RAP1GDS1: variants seen among roughly 807,000 people sequenced by gnomAD.
RAP1GDS1 encodes RAP1, GTP-GDP dissociation stimulator 1.
Under a neutral mutation model 71.1 loss-of-function variants are expected in RAP1GDS1, and 35 were observed. The ratio of observed to expected loss-of-function variants is 0.49; its 90% CI spans 0.38 to 0.65. RAP1GDS1 has a LOEUF of 0.65. Among genes scored for constraint, RAP1GDS1 ranks in the 30% least tolerant of loss-of-function variants. The pLI, the probability that RAP1GDS1 is intolerant of heterozygous loss-of-function variation, is 0.00. For synonymous variants in RAP1GDS1, 229 were observed against 243.1 expected (o/e 0.94, Z 0.54); for missense variants, 663 against 706.1 (o/e 0.94, Z 0.69).
At chr4:98,369,249 G>T (rs188266918) in intron 4 of RAP1GDS1, among the ~76,000 whole-genome samples, 93 of 152,260 alleles carry the variant, frequency 6.1e-4, no homozygotes, top group African/African-American at 2.2e-3. Flanking sequence ...TTTGGGTGGG[G>T]ACACAGCCAG....
intron 14 of RAP1GDS1, among the ~76,000 whole-genome samples, chr4:98,440,927 A>G (rs1335825918): frequency 1.3e-5 from 2 of 152,204 alleles, no homozygotes; most frequent in Non-Finnish European, 2.9e-5. Context: ...TCCCGACCTC[A>G]GGTGATCCAC....
chr4:98,329,066 A>G (rs903460202), intron 2 of RAP1GDS1, among the ~76,000 whole-genome samples: 3 of 152,216 alleles, frequency 2.0e-5, no homozygotes, highest in Non-Finnish European at 4.4e-5. Flanking sequence ...CTCAAATATG[A>G]TATTTCAGTC....
chr4:98,341,805 T>G (rs2110394113), intron 2 of RAP1GDS1, among the ~76,000 whole-genome samples: 1 of 152,294 alleles, frequency 6.6e-6, no homozygotes, highest in East Asian at 1.9e-4. Context: ...GTGTTATCAT[T>G]CCTTAACTCC....
intron 5 of RAP1GDS1, among the ~76,000 whole-genome samples, chr4:98,382,684 A>C (rs1017785400): frequency 6.6e-6 from 1 of 151,602 alleles, no homozygotes; most frequent in African/African-American, 2.4e-5. Flanking sequence ...TTCAAATATA[A>C]CACTGTTTTA....
intron 3 of RAP1GDS1, among the ~76,000 whole-genome samples, chr4:98,346,307 G>A (rs1251010804): frequency 6.6e-6 from 1 of 152,048 alleles, no homozygotes; most frequent in Non-Finnish European, 1.5e-5. Flanking sequence ...AAGAGGACCT[G>A]GTGAGAGCAT....
At chr4:98,399,944 C>T (rs1745127271) in intron 6 of RAP1GDS1, among the ~76,000 whole-genome samples, 1 of 152,076 alleles carries the variant, frequency 6.6e-6, no homozygotes, top group African/African-American at 2.4e-5. Flanking sequence ...CACTTGATGC[C>T]AGGAGTTTGA....
At chr4:98,272,916 G>A (rs998566127) in intron 1 of RAP1GDS1, among the ~76,000 whole-genome samples, 7 of 152,152 alleles carry the variant, frequency 4.6e-5, no homozygotes, top group Non-Finnish European at 7.4e-5. Context: ...TCTGATTTTC[G>A]CTGAGCTCAT....
intron 6 of RAP1GDS1, among the ~76,000 whole-genome samples, chr4:98,397,571 C>T (rs1251964255): frequency 1.3e-5 from 2 of 152,066 alleles, no homozygotes; most frequent in Admixed American, 6.6e-5. Flanking sequence ...ATTTTGGGAC[C>T]TGGGAAGAAA....
chr4:98,264,689 C>G (rs1203785051), intron 1 of RAP1GDS1, among the ~76,000 whole-genome samples: 1 of 151,906 alleles, frequency 6.6e-6, no homozygotes, highest in Non-Finnish European at 1.5e-5. Context: ...TATAAAAGAC[C>G]TTTACATATA....
At chr4:98,387,727 C>T (rs1742979114) in intron 5 of RAP1GDS1, among the ~76,000 whole-genome samples, 1 of 152,138 alleles carries the variant, frequency 6.6e-6, no homozygotes, top group African/African-American at 2.4e-5. Context: ...ACATTTATGA[C>T]ATTGTGCTGT....
At chr4:98,308,297 CTATATATATATATATATATA>C (rs779815305) in intron 2 of RAP1GDS1, among the ~76,000 whole-genome samples, 4 of 73,200 alleles carry the variant, frequency 5.5e-5, no homozygotes, top group East Asian at 5.8e-4. Flanking sequence ...CACACACACA[CTATATATATATATATATATA>C]TATATATATA....
chr4:98,361,035 G>A (rs1476132342), intron 4 of RAP1GDS1, among the ~76,000 whole-genome samples: 1 of 148,952 alleles, frequency 6.7e-6, no homozygotes, highest in Non-Finnish European at 1.5e-5. Context: ...TAAGATCACA[G>A]CACTGTACTC....
At chr4:98,394,645 A>G (rs1173919942) in intron 6 of RAP1GDS1, among the ~76,000 whole-genome samples, 1 of 152,142 alleles carries the variant, frequency 6.6e-6, no homozygotes, top group Non-Finnish European at 1.5e-5. Context: ...CATACAGTCA[A>G]GAGCTTCTGT....
chr4:98,304,055 A>G (rs917327515), intron 2 of RAP1GDS1, among the ~76,000 whole-genome samples: 2 of 152,196 alleles, frequency 1.3e-5, no homozygotes, highest in Admixed American at 6.6e-5. Flanking sequence ...ATGGCTGCAT[A>G]GTATTCCATG....
At chr4:98,308,251 T>G (rs976310108) in intron 2 of RAP1GDS1, among the ~76,000 whole-genome samples, 1 of 144,552 alleles carries the variant, frequency 6.9e-6, no homozygotes, top group Non-Finnish European at 1.5e-5. Flanking sequence ...TGTATATACA[T>G]GTATATATAC....
At position 98,349,754 on chromosome 4, in the gene RAP1GDS1, T is replaced by C. The variant is rs146789391; in HGVS notation, c.236-2722T>C. Among the ~76,000 whole-genome samples, 229 of 152,280 alleles carry C rather than the reference T, an allele frequency of 1.5e-3. 6 individuals are homozygous for C. In the East Asian group the frequency reaches 0.04, roughly 26 times the overall value. ...ATTGTGAATGGGAGTTCACTCATGA[T>C]TTGGCTCTCTGTTTGTCTGTTATTG... On this transcript the variant is annotated intron_variant, in intron 3 of 14. Coordinates refer to ENST00000408927, the MANE Select transcript of RAP1GDS1 (RefSeq NM_001100427.2).
chr4:98,366,588 T>A (rs567710931), intron 4 of RAP1GDS1, among the ~76,000 whole-genome samples: 15 of 152,278 alleles, frequency 9.9e-5, no homozygotes, highest in Admixed American at 4.6e-4. Context: ...TAGGCAAGTT[T>A]AGACCCCTAC....
intron 3 of RAP1GDS1, among the ~76,000 whole-genome samples, chr4:98,346,447 A>T (rs1184486165): frequency 6.6e-6 from 1 of 152,186 alleles, no homozygotes; most frequent in East Asian, 1.9e-4. Context: ...AAATCATTGA[A>T]TAAAGTTGAG....
intron 4 of RAP1GDS1, among the ~76,000 whole-genome samples, chr4:98,355,203 T>TAATTCATC (rs1456831185): frequency 1.5e-4 from 23 of 152,198 alleles, no homozygotes; most frequent in Admixed American, 1.5e-3. Context: ...GCTTCTATTT[T>TAATTCATC]AATTCATCAA....
Sources: allele counts gnomAD v4.1 joint callset (sites outside exome capture counted in the v4.1 genomes callset), GRCh38; gene constraint gnomAD v4.1.1; transcripts MANE v1.5; gene names NCBI Gene and HGNC (gene_info 2026-07-23, HGNC 2026-07-21).